LRRC27: variants seen among roughly 807,000 people sequenced by gnomAD.
LRRC27 encodes the protein leucine-rich repeat-containing protein 27.
A neutral mutation model predicts 55.0 loss-of-function variants in LRRC27; 57 were observed. The observed-to-expected ratio is 1.04, with a 90% CI of 0.84 to 1.29. LRRC27 has a LOEUF of 1.29. Ranked by LOEUF, LRRC27 falls within the 50% of genes most tolerant of loss-of-function variation. The probability of loss-of-function intolerance (pLI) is 0.00; values close to 1 mark genes in which losing one functional copy is unlikely to be tolerated. For missense variants in LRRC27, 721 were observed against 651.5 expected, an observed-to-expected ratio of 1.11 and a Z score of -1.16; for synonymous variants, 278 against 251.9, an observed-to-expected ratio of 1.10 and a Z score of -0.98.
intron 10 of LRRC27, chr10:132,367,095 T>C: frequency 1.3e-6 from 1 of 764,480 alleles, no homozygotes; most frequent in Non-Finnish European, 1.6e-6. Flanking sequence ...CACTTCACAT[T>C]AGGGACACAA....
rs527761357 is a variant in LRRC27, at chr10:132,332,284, G to C, written c.-49+28G>C. ...GAGACGGGGCGGGTACGGCCAGCTC[G>C]CTGAGCCCTCGAGGCGGGCGGCGGC... On this transcript the variant is annotated intron_variant, in intron 1 of 10. Transcript: ENST00000368614. 83 of 153,028 alleles carry C rather than the reference G, an allele frequency of 5.4e-4. 1 individual carries two copies. The South Asian group carries it at 0.015, about 28-fold the overall frequency. 9.5% of individuals were successfully genotyped at this position (153,028 alleles called of 1,614,324 possible). A position where few individuals can be genotyped will look rare whatever the true frequency, so the allele number is the denominator to read the frequency against.
At position 132,333,568 on chromosome 10, in the gene LRRC27, C is replaced by G. The variant is rs759562093; in HGVS notation, c.44C>G (p.Ala15Gly). The G allele has an allele frequency of 1.2e-6, 2 of 1,610,866 alleles. No individual in the cohort carries two copies. Among genetic ancestry groups the G allele is most frequent in the Admixed American group, 1.7e-5 (1 of 59,884 alleles). The change falls in exon 2 of 11, where the codon GCT (alanine) becomes GGT (glycine). Residue 15 changes from alanine (A) to glycine (G), a missense_variant. By Grantham distance (60) the Ala-to-Gly change is moderately conservative (BLOSUM62 0). Coordinates refer to ENST00000368614, the MANE Select transcript of LRRC27 (RefSeq NM_030626.3). ...TACGAAGTTCCCTCTGTGGCTGCTG[C>G]TGATCTGGAGGAGGGTGCTGGTCAG... ...SSYEVPSVAAADLEEGAGQTR... is the reference protein window; with the variant it reads ...SSYEVPSVAAGDLEEGAGQTR...
At position 132,337,694 on chromosome 10, in the gene LRRC27, C is replaced by G; in HGVS notation, c.340C>G (p.Gln114Glu). 6.2e-7 allele frequency: 1 copy of G among 1,612,990 alleles called. No individual in the cohort carries two copies. The highest frequency in any genetic ancestry group is 8.5e-7 in the Non-Finnish European group (1 of 1,179,594). ...GCTTCCTTCTGGGATTGGAGCTCAC[C>G]AGTAAGTTGTTTATGTTTCCAGATT... ...KALPSGIGAH[Q>E]HLKTLLLERN... Residue 114 changes from glutamine to glutamate, a missense_variant and splice_region_variant, in exon 3 of 11, where the codon CAG (glutamine) becomes GAG (glutamate). Transcript: ENST00000368614.
chr10:132,365,322 T>C (rs771880051), intron 9 of LRRC27, 102 bp from the exon 10 acceptor site: 46 of 1,505,640 alleles, frequency 3.1e-5, no homozygotes, highest in Non-Finnish European at 3.9e-5. Context: ...CGCTGTTTGG[T>C]CTGGGAAGAA....
chr10:132,340,048 G>T (rs1471824692), intron 3 of LRRC27, among the ~76,000 whole-genome samples: 1 of 152,164 alleles, frequency 6.6e-6, no homozygotes, highest in African/African-American at 2.4e-5. Flanking sequence ...AACAGTGACG[G>T]TGTTAGCATG....
At chr10:132,333,917 A>G (rs536748733) in intron 2 of LRRC27, among the ~76,000 whole-genome samples, 183 bp downstream of exon 2, 1 of 152,366 alleles carries the variant, frequency 6.6e-6, no homozygotes, top group African/African-American at 2.4e-5. Flanking sequence ...GAAATTCATG[A>G]TGGGGACCAA....
At position 132,371,922 on chromosome 10, in the gene LRRC27, G is replaced by A. The variant is rs559304530; in HGVS notation, c.1417-3144G>A. 5.3e-5 allele frequency among the ~76,000 whole-genome samples: 8 copies of A among 152,344 alleles called. No individual in the cohort carries two copies. The South Asian group carries it at 6.2e-4, about 12-fold the overall frequency. On this transcript the variant is annotated intron_variant, in intron 10 of 10. Coordinates refer to ENST00000368614, the MANE Select transcript of LRRC27 (RefSeq NM_030626.3). Reference sequence around the variant, plus strand: ...GCTCCACCTGGTCTCAGCTGCTGTCGTCTGGGGGCTGGCAGGTGAGCCCTT... The same window carrying A: ...GCTCCACCTGGTCTCAGCTGCTGTCATCTGGGGGCTGGCAGGTGAGCCCTT...
At chr10:132,351,451 C>G in intron 6 of LRRC27, 156 bp from the exon 7 acceptor site, 2 of 823,996 alleles carry the variant, frequency 2.4e-6, no homozygotes, top group Non-Finnish European at 3.9e-6. Flanking sequence ...AATCAACAGT[C>G]AAGACTGGAC....
At chr10:132,344,383 C>T in intron 4 of LRRC27, 115 bp from the exon 5 acceptor site, 1 of 1,139,788 alleles carries the variant, frequency 8.8e-7, no homozygotes, top group Non-Finnish European at 1.2e-6. Context: ...GATTTTCCCC[C>T]AAATACTGAA....
At chr10:132,331,346 G>T (rs1360473562), upstream of LRRC27, 1 of 1,337,656 alleles carries the variant, frequency 7.5e-7, no homozygotes, top group Non-Finnish European at 1.0e-6. Flanking sequence ...GGACTCCAGG[G>T]TTCCACAGGA....
At position 132,377,874 on chromosome 10, in the gene LRRC27, G is replaced by A. The variant is rs1279859380; in HGVS notation, c.*2632G>A. 6.6e-6 allele frequency: 1 copy of A among 152,174 alleles called. No individual in the cohort carries two copies. The highest frequency in any genetic ancestry group is 1.5e-5 in the Non-Finnish European group (1 of 68,052). The allele number at this position is 152,174 out of a possible 1,614,324, so 9.4% of individuals were successfully genotyped here. A position where few individuals can be genotyped will look rare whatever the true frequency, so the allele number is the denominator to read the frequency against. On this transcript the variant is annotated 3_prime_UTR_variant, in exon 11 of 11. Coordinates refer to ENST00000368614, the MANE Select transcript of LRRC27 (RefSeq NM_030626.3). ...GGCTCCACTGTCTTCTGGCTCCCAT[G>A]TGTTTTGTTAAAAATTCAGTGTTCA... is the stretch of plus-strand genomic sequence containing the variant.
At chr10:132,342,754 T>C (rs969967044) in intron 4 of LRRC27, among the ~76,000 whole-genome samples, 1 of 152,212 alleles carries the variant, frequency 6.6e-6, no homozygotes, top group African/African-American at 2.4e-5. Context: ...TTAAAATATC[T>C]AGCAGAAACA....
rs574222813 is a variant in LRRC27, at chr10:132,376,484, G to A, written c.*1242G>A. 7.2e-5 allele frequency: 11 copies of A among 152,392 alleles called. No individual in the cohort carries two copies. In the East Asian group the frequency reaches 1.2e-3, roughly 16 times the overall value. The allele number at this position is 152,392 out of a possible 1,614,324, so 9.4% of individuals were successfully genotyped here. A position where few individuals can be genotyped will look rare whatever the true frequency, so the allele number is the denominator to read the frequency against. On this transcript the variant is annotated 3_prime_UTR_variant, in exon 11 of 11. Coordinates refer to ENST00000368614, the MANE Select transcript of LRRC27 (RefSeq NM_030626.3). ...GCAGCAGACGTTTGCCATTTCTCAC[G>A]CCTGAGGGCAGGCGTTGGAGCAGCT...
chr10:132,330,435 T>G (rs1172740850), upstream of LRRC27: 3 of 717,236 alleles, frequency 4.2e-6, no homozygotes, highest in East Asian at 2.7e-5. Context: ...TCTGCCCGGG[T>G]GGCTGGCCTC....
chr10:132,356,969 A>G (rs2068339005), intron 8 of LRRC27, among the ~76,000 whole-genome samples: 2 of 152,284 alleles, frequency 1.3e-5, no homozygotes, highest in South Asian at 4.1e-4. Context: ...AAGGCCCCCA[A>G]GGGCTTCACC....
At chr10:132,352,161 C>T (rs1413615314) in intron 7 of LRRC27, among the ~76,000 whole-genome samples, 2 of 91,526 alleles carry the variant, frequency 2.2e-5, no homozygotes, top group Non-Finnish European at 4.8e-5. Flanking sequence ...CTGAGGCCTC[C>T]GTGTGGGGCA....
rs373187084 is a variant in LRRC27 at position 132,348,050 on chromosome 10, A to G, written c.620A>G (p.Asp207Gly). The change falls in exon 6 of 11, where the codon GAC becomes GGC. Residue 207 changes from aspartate to glycine, a missense_variant. Transcript: ENST00000368614. The surrounding 1 kb of genome is among the most constrained non-coding windows in gnomAD (Gnocchi z 4.2). Reference protein sequence around the residue: ...LPSPGLELSGDHASNQGAVNA... With the variant: ...LPSPGLELSGGHASNQGAVNA... ...AGCCCAGGACTGGAGTTGTCTGGAG[A>G]CCACGCGTCTAACCAAGGAGCTGTG... The G allele has an allele frequency of 6.2e-7, 1 of 1,613,750 alleles. No individual in the cohort carries two copies. Among genetic ancestry groups the G allele is most frequent in the Non-Finnish European group, 8.5e-7 (1 of 1,180,026 alleles).
rs1473429299 is a variant in LRRC27 at position 132,362,763 on chromosome 10, G to A, written c.1289+1188G>A. 3.3e-5 allele frequency among the ~76,000 whole-genome samples: 4 copies of A among 122,412 alleles called. 1 individual carries two copies. Among genetic ancestry groups the A allele is most frequent in the Admixed American group, 1.6e-4 (2 of 12,376 alleles). The allele number at this position is 122,412 out of a possible 152,430, so 80.3% of individuals were successfully genotyped here. A position where few individuals can be genotyped will look rare whatever the true frequency, so the allele number is the denominator to read the frequency against. Reference sequence around the variant, plus strand: ...CTTCTCACCTCACACCAGCTCGGGGGGCCAGGGTTCATGAACCCTCTCACC... The same window carrying A: ...CTTCTCACCTCACACCAGCTCGGGGAGCCAGGGTTCATGAACCCTCTCACC... On this transcript the variant is annotated intron_variant, in intron 9 of 10. Coordinates refer to ENST00000368614, the MANE Select transcript of LRRC27 (RefSeq NM_030626.3).
At chr10:132,351,774 G>A in intron 7 of LRRC27, 21 bp downstream of exon 7, 1 of 1,595,430 alleles carries the variant, frequency 6.3e-7, no homozygotes, top group Non-Finnish European at 8.5e-7. Context: ...ACAGGGTGGG[G>A]GTCCGCACAG....
Sources: allele counts gnomAD v4.1 joint callset (sites outside exome capture counted in the v4.1 genomes callset), GRCh38; gene constraint gnomAD v4.1.1; non-coding constraint Gnocchi (gnomAD v3.1); transcripts MANE v1.5; gene names NCBI Gene and HGNC (gene_info 2026-07-23, HGNC 2026-07-21).